RAD54L2: variants seen among roughly 807,000 people sequenced by gnomAD.
RAD54L2 encodes the protein RAD54 like 2, also known as helicase ARIP4.
RAD54L2 carries 27 observed loss-of-function variants against 138.4 expected under a neutral mutation model. The observed-to-expected ratio is 0.20, with a 90% CI of 0.14 to 0.27. RAD54L2 has a LOEUF of 0.27. Ranked by LOEUF, RAD54L2 falls within the 10% of genes least tolerant of loss-of-function variation. The pLI is 1.00. For missense variants in RAD54L2, 1,396 were observed against 1,890.2 expected, an observed-to-expected ratio of 0.74 and a Z score of 4.85; for synonymous variants, 644 against 723.2, an observed-to-expected ratio of 0.89 and a Z score of 1.76.
chr3:51,622,396 G>T (rs1700586173), intron 3 of RAD54L2, among the ~76,000 whole-genome samples: 1 of 152,120 alleles, frequency 6.6e-6, no homozygotes, highest in African/African-American at 2.4e-5. Context: ...CGGTGGTAAT[G>T]GAGAAAGGAG....
intron 3 of RAD54L2, among the ~76,000 whole-genome samples, chr3:51,626,135 C>T: frequency 6.6e-6 from 1 of 152,144 alleles, no homozygotes; most frequent in Non-Finnish European, 1.5e-5. Flanking sequence ...CTGGGTCCTT[C>T]CTGCCTGAGA....
At chr3:51,661,528 G>T (rs1372949953) in intron 22 of RAD54L2, among the ~76,000 whole-genome samples, 7 of 152,208 alleles carry the variant, frequency 4.6e-5, no homozygotes. Context: ...GGATTGCCAG[G>T]TCAAAGGGTA....
intron 2 of RAD54L2, among the ~76,000 whole-genome samples, chr3:51,574,258 G>A (rs1191892831): frequency 6.6e-6 from 1 of 152,102 alleles, no homozygotes; most frequent in Non-Finnish European, 1.5e-5. Context: ...ATGGACATTT[G>A]GGTTGGTTCC....
rs1197323204 is a variant in RAD54L2 at position 51,666,210 on chromosome 3, A to T, written c.*2790A>T. 8.6e-5 allele frequency: 3 copies of T among 34,880 alleles called. No homozygotes were observed. The highest frequency in any genetic ancestry group is 2.7e-4 in the Admixed American group (1 of 3,746). 2.2% of individuals were successfully genotyped at this position (34,880 alleles called of 1,614,324 possible). A position where few individuals can be genotyped will look rare whatever the true frequency, so the allele number is the denominator to read the frequency against. ...TTTTTTTTTTTTTTTTTTTTTTTTTAAAGAAAATAACCTGAAAACACTTCT... is the reference window on the plus strand; with the variant it reads ...TTTTTTTTTTTTTTTTTTTTTTTTTTAAGAAAATAACCTGAAAACACTTCT... On this transcript the variant is annotated 3_prime_UTR_variant, in exon 23 of 23. Coordinates refer to ENST00000684192, the MANE Select transcript of RAD54L2 (RefSeq NM_015106.4).
At chr3:51,548,673 T>C (rs1553672856) in intron 2 of RAD54L2, among the ~76,000 whole-genome samples, 2 of 152,138 alleles carry the variant, frequency 1.3e-5, no homozygotes, top group African/African-American at 2.4e-5. Flanking sequence ...GCCCTTTTTA[T>C]GTCCTCATAA....
At chr3:51,588,503 C>T (rs1699760091) in intron 2 of RAD54L2, among the ~76,000 whole-genome samples, 1 of 145,016 alleles carries the variant, frequency 6.9e-6, no homozygotes, top group African/African-American at 2.6e-5. Flanking sequence ...CCACTGCATG[C>T]CAGCCTGGGT....
chr3:51,660,038 G>T lies in RAD54L2; in HGVS notation c.3329G>T (p.Arg1110Leu). The T allele has an allele frequency of 6.3e-7, 1 of 1,583,316 alleles. No individual in the cohort carries two copies. The highest frequency in any genetic ancestry group is 8.7e-7 in the Non-Finnish European group (1 of 1,155,782). Residue 1110 changes from arginine to leucine, a missense_variant, in exon 22 of 23, where the codon CGT becomes CTT. Around this residue, in one of 7 missense-constraint regions of RAD54L2, gnomAD observed 634 missense variants for 711.2 expected, o/e 0.89. Coordinates refer to ENST00000684192, the MANE Select transcript of RAD54L2 (RefSeq NM_015106.4). ...IIRGTKGTYI[R>L]TSDGRIFAVR... ...TGTCTATTCTTAGGGACGTACATCC[G>T]TACCAGTGATGGACGGATCTTTGCT... is the stretch of plus-strand genomic sequence containing the variant.
At chr3:51,573,835 GTTAT>G (rs371149607) in intron 2 of RAD54L2, among the ~76,000 whole-genome samples, 214 of 152,146 alleles carry the variant, frequency 1.4e-3, no homozygotes, top group African/African-American at 4.6e-3. Context: ...CTTTTAGAAA[GTTAT>G]TTATTTATTT....
chr3:51,655,974 G>A lies in RAD54L2; in HGVS notation c.3030G>A (p.Gln1010=), dbSNP rs1368758465. Residue 1010 remains glutamine (Q), a synonymous_variant, in exon 20 of 23, where the codon CAG becomes CAA. Transcript: ENST00000684192. ...TGTCCTTGTCTTTCTCTTACAGGCAGCCAACTTTGAAGGGTGATGAAAAGC... is the reference window on the plus strand; with the variant it reads ...TGTCCTTGTCTTTCTCTTACAGGCAACCAACTTTGAAGGGTGATGAAAAGC... The part of the protein sequence containing the change: ...SIPAFSQRNW[Q]PTLKGDEKPV... 1 of 1,597,628 alleles carries A rather than the reference G, an allele frequency of 6.3e-7. No homozygotes were observed. The highest frequency in any genetic ancestry group is 1.1e-5 in the South Asian group (1 of 90,222).
intron 2 of RAD54L2, among the ~76,000 whole-genome samples, chr3:51,546,803 C>G (rs987561199): frequency 6.6e-6 from 1 of 150,888 alleles, no homozygotes; most frequent in African/African-American, 2.4e-5. Flanking sequence ...CTGAGGCAGG[C>G]AGATCACCTG....
At chr3:51,644,045 A>G in intron 16 of RAD54L2, 71 bp downstream of exon 16, 1 of 1,222,416 alleles carries the variant, frequency 8.2e-7, no homozygotes, top group South Asian at 1.4e-5. Flanking sequence ...TGGTACCCCA[A>G]AACTCCAAGT....
intron 3 of RAD54L2, among the ~76,000 whole-genome samples, chr3:51,625,921 A>T (rs868667753): frequency 6.6e-6 from 1 of 152,144 alleles, no homozygotes; most frequent in African/African-American, 2.4e-5. Context: ...AGAAGCTGCC[A>T]TAGTTTAGAG....
chr3:51,574,281 T>C (rs1699411531), intron 2 of RAD54L2, among the ~76,000 whole-genome samples: 1 of 152,186 alleles, frequency 6.6e-6, no homozygotes, highest in Admixed American at 6.6e-5. Context: ...GTCTTTGCTA[T>C]TGTGAATAGT....
chr3:51,615,510 A>G (rs1397279734), intron 3 of RAD54L2, among the ~76,000 whole-genome samples: 1 of 152,222 alleles, frequency 6.6e-6, no homozygotes, highest in Non-Finnish European at 1.5e-5. Flanking sequence ...TTTTAAAACT[A>G]AGCTCATTTA....
At chr3:51,577,898 A>G (rs1424129096) in intron 2 of RAD54L2, among the ~76,000 whole-genome samples, 1 of 151,066 alleles carries the variant, frequency 6.6e-6, no homozygotes, top group East Asian at 1.9e-4. Context: ...CCATCTTGGA[A>G]CCTCCCCCCA....
At position 51,646,361 on chromosome 3, in the gene RAD54L2, A is replaced by G. The variant is rs201966445; in HGVS notation, c.2906A>G (p.Lys969Arg). ...ACCAAGGCTGAGAAAAAAGCAGCAA[A>G]GAAAAGCTATGAGGAAGACAAACGC... ...KLTKAEKKAA[K>R]KSYEEDKRTS... The change falls in exon 19 of 23, where the codon AAG (lysine) becomes AGG (arginine). Residue 969 changes from lysine (K) to arginine (R), a missense_variant. Physicochemically the swap from Lys to Arg is conservative, Grantham distance 26 (BLOSUM62 2). Around this residue, in one of 7 missense-constraint regions of RAD54L2, gnomAD observed 634 missense variants for 711.2 expected, o/e 0.89. Coordinates refer to ENST00000684192, the MANE Select transcript of RAD54L2 (RefSeq NM_015106.4). The G allele has an allele frequency of 9.1e-5, 146 of 1,612,872 alleles. No homozygotes were observed. The highest frequency in any genetic ancestry group is 1.6e-4 in the Middle Eastern group (1 of 6,084).
At chr3:51,629,692 C>T (rs1030568162) in intron 5 of RAD54L2, among the ~76,000 whole-genome samples, 3 of 151,844 alleles carry the variant, frequency 2.0e-5, no homozygotes, top group African/African-American at 7.2e-5. Context: ...AACCCCGTCT[C>T]TACTAAAAAT....
At chr3:51,565,314 T>C (rs947863519) in intron 2 of RAD54L2, among the ~76,000 whole-genome samples, 1 of 152,088 alleles carries the variant, frequency 6.6e-6, no homozygotes, top group Non-Finnish European at 1.5e-5. Flanking sequence ...AAGAATCGCT[T>C]GAGCCTGGGA....
intron 2 of RAD54L2, among the ~76,000 whole-genome samples, chr3:51,543,381 G>T (rs1553671666): frequency 6.6e-6 from 1 of 152,124 alleles, no homozygotes; most frequent in Non-Finnish European, 1.5e-5. Flanking sequence ...GGCCAAGGCG[G>T]GCGGATCACC....
Sources: gnomAD v4.1 joint callset for allele counts (sites outside exome capture counted in the v4.1 genomes callset) on GRCh38, gnomAD v4.1.1 for gene constraint, gnomAD v4.1.1 regional missense constraint, MANE v1.5 for transcripts, NCBI Gene and HGNC (gene_info 2026-07-23, HGNC 2026-07-21) for gene names.